ZMAT1: variants seen among roughly 807,000 people sequenced by gnomAD.
ZMAT1 encodes the protein zinc finger matrin-type protein 1.
In ZMAT1, 11 loss-of-function variants were observed where a neutral mutation model predicts 18.5. The ratio of observed to expected loss-of-function variants is 0.59; its 90% CI spans 0.37 to 0.98. ZMAT1 has a LOEUF of 0.98. Among genes scored for constraint, ZMAT1 ranks in the 50% least tolerant of loss-of-function variants. ZMAT1 has a pLI of 0.01. For synonymous variants in ZMAT1, 211 were observed against 176.4 expected (o/e 1.20, Z -1.55); for missense variants, 525 against 496.2 (o/e 1.06, Z -0.55).
At position 101,883,738 on chromosome X, in the gene ZMAT1, C is replaced by A. The variant is rs1569426440; in HGVS notation, c.1860G>T (p.Lys620Asn). 11 of 1,204,520 alleles carry A rather than the reference C, an allele frequency of 9.1e-6. No individual in the cohort carries two copies. Among genetic ancestry groups the A allele is most frequent in the Non-Finnish European group, 1.2e-5 (11 of 893,831 alleles). ...EKEQSKHKRK[K>N]SYEDTDLDKD... is the part of the protein sequence containing the mutation. The stretch of plus-strand genomic sequence containing the variant: ...TGTCTAAATCTGTATCTTCATAACT[C>A]TTTTTCCTTTTATGCTTGGACTGCT... The change falls in exon 6 of 6, where the codon AAG becomes AAT. Residue 620 changes from lysine (K) to asparagine (N), a missense_variant. Coordinates refer to ENST00000651725, the MANE Select transcript of ZMAT1 (RefSeq NM_001394560.1).
At chrX:101,929,479 AG>A (rs1354163860) in intron 1 of ZMAT1, among the ~76,000 whole-genome samples, 10 of 101,567 alleles carry the variant, frequency 9.8e-5, no homozygotes, top group South Asian at 4.6e-4. Flanking sequence ...AGAGAGAGAG[AG>A]AGAGAGAGAG....
chrX:101,902,807 A>G (rs1928340463), intron 2 of ZMAT1, among the ~76,000 whole-genome samples: 1 of 112,000 alleles, frequency 8.9e-6, no homozygotes, highest in Admixed American at 9.5e-5. Flanking sequence ...CAGACACAAA[A>G]GAAATATTAA....
intron 1 of ZMAT1, among the ~76,000 whole-genome samples, chrX:101,922,487 G>A (rs762755018): frequency 1.8e-5 from 2 of 109,397 alleles, no homozygotes; most frequent in African/African-American, 6.7e-5. Context: ...TCTGCCTCCG[G>A]GGTTCAAGTG....
rs556674468 is a variant in ZMAT1, at chrX:101,886,974, T to G, written c.677-243A>C. The G allele has an allele frequency of 1.7e-5, 4 of 240,938 alleles. No individual in the cohort carries two copies. In the South Asian group the frequency reaches 6.0e-4, roughly 36 times the overall value. The allele number at this position is 240,938 out of a possible 1,213,427, so 19.9% of individuals were successfully genotyped here. On this transcript the variant is annotated intron_variant, in intron 4 of 5. Transcript: ENST00000651725. ...AATTCTTTACACCACACCACACTGC[T>G]TCTCTAGCTTAACTTCTTCCCTAAG... is the stretch of plus-strand genomic sequence containing the variant.
At chrX:101,885,601 C>T (rs1005881213) in intron 5 of ZMAT1, among the ~76,000 whole-genome samples, 36 of 111,285 alleles carry the variant, frequency 3.2e-4, no homozygotes, top group Admixed American at 5.7e-4. Flanking sequence ...TCTAAGTATT[C>T]GGATACAAAT....
At chrX:101,897,783 C>T (rs1214621833) in intron 4 of ZMAT1, 85 bp downstream of exon 4, 14 of 814,274 alleles carry the variant, frequency 1.7e-5, no homozygotes, top group Non-Finnish European at 2.2e-5. Flanking sequence ...TGAAAGTCTC[C>T]CCCACTAAAA....
chrX:101,899,195 T>G (rs1603277310), intron 2 of ZMAT1, among the ~76,000 whole-genome samples: 1 of 112,055 alleles, frequency 8.9e-6, no homozygotes, highest in East Asian at 2.8e-4. Flanking sequence ...TAACCAAATA[T>G]GTAAGAATAA....
intron 1 of ZMAT1, chrX:101,931,444 C>T (rs1235188100): frequency 1.3e-6 from 1 of 751,758 alleles, no homozygotes; most frequent in African/African-American, 2.3e-5. Flanking sequence ...TTTTTCCCTT[C>T]AAACTCCTGC....
chrX:101,912,380 G>A (rs1423801388), intron 1 of ZMAT1, among the ~76,000 whole-genome samples: 1 of 112,263 alleles, frequency 8.9e-6, no homozygotes, highest in African/African-American at 3.2e-5. Context: ...AATGGAACAA[G>A]TGTAGTGGAT....
At chrX:101,887,063 T>C in intron 4 of ZMAT1, 2 of 195,191 alleles carry the variant, frequency 1.0e-5, no homozygotes, top group Non-Finnish European at 1.6e-5. Context: ...AAATTTAGCA[T>C]GGCCAACCAA....
chrX:101,900,025 T>C (rs1374297249), intron 2 of ZMAT1, among the ~76,000 whole-genome samples: 1 of 112,063 alleles, frequency 8.9e-6, no homozygotes, highest in Non-Finnish European at 1.9e-5. Context: ...TATCGCATTG[T>C]GGTTTTGATT....
intron 4 of ZMAT1, among the ~76,000 whole-genome samples, chrX:101,896,378 A>T (rs1488642819): frequency 3.6e-5 from 4 of 111,568 alleles, no homozygotes; most frequent in Non-Finnish European, 3.8e-5. Flanking sequence ...CTCCTCTCTG[A>T]GCCCAAGTTG....
Position 101,898,011 on chromosome X carries a change from T to A in ZMAT1, c.533A>T (p.Lys178Ile), listed in dbSNP as rs1446358309. Residue 178 changes from lysine (K) to isoleucine (I), a missense_variant, in exon 4 of 6, where the codon AAA (lysine) becomes ATA (isoleucine). Transcript: ENST00000651725. The part of the protein sequence containing the change: ...VHRYEGVDKN[K>I]FCDLCNMMFS... ...CATCATGTTGCAGAGATCACAAAAT[T>A]TGTTTTTGTCCACTCCTTCATACCT... 1.7e-6 allele frequency: 2 copies of A among 1,211,401 alleles called. No homozygotes were observed. Among genetic ancestry groups the A allele is most frequent in the Non-Finnish European group, 2.2e-6 (2 of 895,393 alleles).
At chrX:101,926,559 C>T (rs1468838761) in intron 1 of ZMAT1, among the ~76,000 whole-genome samples, 1 of 111,931 alleles carries the variant, frequency 8.9e-6, no homozygotes, top group Non-Finnish European at 1.9e-5. Flanking sequence ...TTGGTCCACC[C>T]ATGCTTATGG....
chrX:101,908,856 T>A (rs776243208), intron 1 of ZMAT1, among the ~76,000 whole-genome samples: 26 of 110,319 alleles, frequency 2.4e-4, no homozygotes, highest in East Asian at 5.7e-4. Context: ...CGTAGGCGAG[T>A]CCTAGGGCTG....
intron 1 of ZMAT1, among the ~76,000 whole-genome samples, chrX:101,917,287 T>G (rs1929398700): frequency 1.8e-5 from 2 of 111,638 alleles, no homozygotes; most frequent in South Asian, 3.7e-4. Context: ...AAACCACCCA[T>G]CTGATAAAAG....
chrX:101,931,973 C>T lies in ZMAT1; in HGVS notation c.36G>A (p.Ala12=). Residue 12 remains alanine (A), a synonymous_variant, in exon 1 of 6, where the codon GCG becomes GCA. Transcript: ENST00000651725. Reference sequence around the variant, plus strand: ...TAGCTTCCTGAGGGGAAGACTCCGCCGCCAGCGGGGTGACTGTGCTCGGCG... The same window carrying T: ...TAGCTTCCTGAGGGGAAGACTCCGCTGCCAGCGGGGTGACTGTGCTCGGCG... ...AAAPSTVTPL[A]AESSPQEATV... 1.3e-6 allele frequency: 1 copy of T among 772,492 alleles called. No homozygotes were observed. The highest frequency in any genetic ancestry group is 1.5e-6 in the Non-Finnish European group (1 of 651,520). The allele number at this position is 772,492 out of a possible 1,213,427, so 63.7% of individuals were successfully genotyped here.
chrX:101,919,564 A>G (rs1929583557), intron 1 of ZMAT1, among the ~76,000 whole-genome samples: 1 of 111,821 alleles, frequency 8.9e-6, no homozygotes, highest in East Asian at 2.8e-4. Context: ...TTAGTAAGGA[A>G]GATGAGATGT....
chrX:101,925,088 G>A (rs752875176), intron 1 of ZMAT1, among the ~76,000 whole-genome samples: 1 of 112,227 alleles, frequency 8.9e-6, no homozygotes, highest in Non-Finnish European at 1.9e-5. Context: ...ATGAAGGACA[G>A]CTGCCCTGCA....
Sources: gnomAD v4.1 joint callset for allele counts (sites outside exome capture counted in the v4.1 genomes callset) on GRCh38, gnomAD v4.1.1 for gene constraint, MANE v1.5 for transcripts, NCBI Gene and HGNC (gene_info 2026-07-23, HGNC 2026-07-21) for gene names.